The following LPIN2 variants were observed in gnomAD, a reference collection of about 807,000 sequenced individuals.
LPIN2 encodes phosphatidate phosphatase LPIN2.
A neutral mutation model predicts 111.4 loss-of-function variants in LPIN2; 55 were observed. The ratio of observed to expected loss-of-function variants is 0.49; its 90% CI spans 0.40 to 0.62. The LOEUF (loss-of-function observed/expected upper bound fraction) is 0.62, where lower values mean the gene tolerates loss of function less well. Among genes scored for constraint, LPIN2 ranks in the 20% least tolerant of loss-of-function variants. LPIN2 has a pLI of 0.00. For synonymous variants in LPIN2, 425 were observed against 414.0 expected (o/e 1.03, Z -0.32); for missense variants, 992 against 1,112.1 (o/e 0.89, Z 1.54).
At chr18:2,934,186 AAAT>A (rs1172722780) in intron 8 of LPIN2, among the ~76,000 whole-genome samples, 162 bp downstream of exon 8, 2 of 152,226 alleles carry the variant, frequency 1.3e-5, no homozygotes, top group African/African-American at 4.8e-5. Context: ...CACTATATTG[AAAT>A]AAGACACGCG....
At chr18:3,007,393 G>A (rs376023709) in intron 1 of LPIN2, among the ~76,000 whole-genome samples, 270 of 152,246 alleles carry the variant, frequency 1.8e-3, no homozygotes, top group African/African-American at 6.3e-3. Context: ...GGATGGTCTC[G>A]ATCTCCTGAC....
intron 4 of LPIN2, chr18:2,946,365 C>T: frequency 6.7e-7 from 1 of 1,500,578 alleles, no homozygotes. Context: ...TTTGTACAGC[C>T]TACAATGCTT....
At chr18:2,976,323 A>G (rs1414503711) in intron 1 of LPIN2, among the ~76,000 whole-genome samples, 1 of 152,186 alleles carries the variant, frequency 6.6e-6, no homozygotes, top group Non-Finnish European at 1.5e-5. Flanking sequence ...CAACTCCTGT[A>G]GCTAAGGTGG....
chr18:2,943,613 C>T (rs1254515292), intron 4 of LPIN2, among the ~76,000 whole-genome samples: 3 of 152,208 alleles, frequency 2.0e-5, no homozygotes, highest in Non-Finnish European at 4.4e-5. Flanking sequence ...TAATCATTAC[C>T]TTTAATCAAA....
intron 8 of LPIN2, among the ~76,000 whole-genome samples, chr18:2,932,623 T>A (rs1397956464): frequency 6.6e-6 from 1 of 152,218 alleles, no homozygotes; most frequent in Non-Finnish European, 1.5e-5. Flanking sequence ...TCACCACACC[T>A]GTCTCCTCTT....
Position 2,927,704 on chromosome 18 carries a change from G to A in LPIN2, c.1710+18C>T. On this transcript the variant is annotated intron_variant, in intron 12 of 19. Coordinates refer to ENST00000677752, the MANE Select transcript of LPIN2 (RefSeq NM_001375808.2). ...ATTTCTTTCAGCCCACGGAAACAAT[G>A]ACCTCTAGGTCTGTTACCTGTTTGG... 1 of 1,612,006 alleles carries A rather than the reference G, an allele frequency of 6.2e-7. No individual in the cohort carries two copies. The highest frequency in any genetic ancestry group is 8.5e-7 in the Non-Finnish European group (1 of 1,178,078).
At chr18:3,009,497 GAC>G (rs1438238856) in intron 1 of LPIN2, among the ~76,000 whole-genome samples, 1 of 151,784 alleles carries the variant, frequency 6.6e-6, no homozygotes, top group Non-Finnish European at 1.5e-5. Flanking sequence ...GGAGTGCAGT[GAC>G]ACAATCTCGG....
At position 2,919,445 on chromosome 18, in the gene LPIN2, C is replaced by T. The variant is rs2077018079; in HGVS notation, c.*848G>A. The stretch of plus-strand genomic sequence containing the variant: ...AGGCAGCAAGCAGAGGGATTCAGCG[C>T]TCTTCCCAGGACCCCACTCAACCGC... On this transcript the variant is annotated 3_prime_UTR_variant, in exon 20 of 20. Coordinates refer to ENST00000677752, the MANE Select transcript of LPIN2 (RefSeq NM_001375808.2). The T allele has an allele frequency of 6.6e-6, 1 of 152,284 alleles. No individual in the cohort carries two copies. Among genetic ancestry groups the T allele is most frequent in the African/African-American group, 2.4e-5 (1 of 41,452 alleles). 9.4% of individuals were successfully genotyped at this position (152,284 alleles called of 1,614,324 possible). A position where few individuals can be genotyped will look rare whatever the true frequency, so the allele number is the denominator to read the frequency against.
rs1056697284 is a variant in LPIN2 at position 2,918,032 on chromosome 18, T to C, written c.*2261A>G. 1 of 152,222 alleles carries C rather than the reference T, an allele frequency of 6.6e-6. No homozygotes were observed. Among genetic ancestry groups the C allele is most frequent in the South Asian group, 2.1e-4 (1 of 4,836 alleles). 9.4% of individuals were successfully genotyped at this position (152,222 alleles called of 1,614,324 possible). The stretch of plus-strand genomic sequence containing the variant: ...TGGATTTTCAGCACAAACTTAATAC[T>C]TTCCTAACACTACAGCAATAGTAAT... On this transcript the variant is annotated 3_prime_UTR_variant, in exon 20 of 20. Transcript: ENST00000677752.
intron 4 of LPIN2, among the ~76,000 whole-genome samples, chr18:2,943,478 C>A (rs2077397624): frequency 6.6e-6 from 1 of 151,372 alleles, no homozygotes; most frequent in Non-Finnish European, 1.5e-5. Context: ...ATGTTTTGAT[C>A]AATGTAACTA....
At chr18:2,956,284 C>T (rs112691313) in intron 2 of LPIN2, among the ~76,000 whole-genome samples, 1,537 of 131,372 alleles carry the variant, frequency 0.012, 25 homozygotes, top group African/African-American at 0.046. Flanking sequence ...CCCGTGTGCC[C>T]TCATGATTTT....
intron 1 of LPIN2, among the ~76,000 whole-genome samples, chr18:2,995,122 C>T (rs1016531193): frequency 1.3e-5 from 2 of 152,130 alleles, no homozygotes. Context: ...GCCTGGAAAC[C>T]ACCAGCTGCT....
intron 10 of LPIN2, 87 bp downstream of exon 10, chr18:2,928,978 G>A: frequency 1.1e-6 from 1 of 897,416 alleles, no homozygotes; most frequent in Non-Finnish European, 1.9e-6. Flanking sequence ...TTTATAAGAA[G>A]GAACACTTTT....
rs568227218 is a variant in LPIN2, at chr18:2,970,808, G to C, written c.-9-9959C>G. Among the ~76,000 whole-genome samples the C allele has an allele frequency of 4.6e-5, 7 of 152,316 alleles. No homozygotes were observed. The South Asian group carries it at 1.5e-3, about 32-fold the overall frequency. ...GGCCTTAAGCTTAGTTCTCAGGGCT[G>C]ATAAGTTTTAAATTAGGATTTTTGG... On this transcript the variant is annotated intron_variant, in intron 1 of 19. Transcript: ENST00000677752.
chr18:2,970,287 T>A (rs1269404243), intron 1 of LPIN2, among the ~76,000 whole-genome samples: 4 of 152,084 alleles, frequency 2.6e-5, no homozygotes, highest in African/African-American at 7.2e-5. Flanking sequence ...AACACAAGGG[T>A]GGGCCCCCAG....
At chr18:2,981,538 T>C (rs1016933862) in intron 1 of LPIN2, among the ~76,000 whole-genome samples, 2 of 152,258 alleles carry the variant, frequency 1.3e-5, no homozygotes, top group Non-Finnish European at 2.9e-5. Context: ...CTACTTAATA[T>C]ATGAATGTTT....
chr18:2,987,860 G>T, intron 1 of LPIN2, among the ~76,000 whole-genome samples: 1 of 151,978 alleles, frequency 6.6e-6, no homozygotes, highest in South Asian at 2.1e-4. Flanking sequence ...CCAACACAGT[G>T]AAACCTCATC....
chr18:2,980,373 AG>A lies in LPIN2; in HGVS notation c.-9-19525del, dbSNP rs779984254. On this transcript the variant is annotated intron_variant, in intron 1 of 19. Coordinates refer to ENST00000677752, the MANE Select transcript of LPIN2 (RefSeq NM_001375808.2). ...AGACTGGAGGAACACAGTTAGTTTT[AG>A]ACTTGTTCACCTCCAGTTGTTCTAG... 4.0e-4 allele frequency among the ~76,000 whole-genome samples: 61 copies of A among 152,196 alleles called. 1 individual carries two copies. Among genetic ancestry groups the A allele is most frequent in the Admixed American group, 7.9e-4 (12 of 15,284 alleles).
rs563010838 is a variant in LPIN2 at position 2,981,753 on chromosome 18, T to C, written c.-9-20904A>G. ...TTAGTTCCTGAGAACTCTGAGTAAGTACACTTTCACTAACAGATCCAAAAG... is the reference window on the plus strand; with the variant it reads ...TTAGTTCCTGAGAACTCTGAGTAAGCACACTTTCACTAACAGATCCAAAAG... On this transcript the variant is annotated intron_variant, in intron 1 of 19. Transcript: ENST00000677752. Among the ~76,000 whole-genome samples, 159 of 150,782 alleles carry C rather than the reference T, an allele frequency of 1.1e-3. 1 individual carries two copies. Among genetic ancestry groups the C allele is most frequent in the African/African-American group, 3.4e-3 (137 of 40,116 alleles).
Sources: gnomAD v4.1 joint callset for allele counts (sites outside exome capture counted in the v4.1 genomes callset) on GRCh38, gnomAD v4.1.1 for gene constraint, MANE v1.5 for transcripts, NCBI Gene and HGNC (gene_info 2026-07-23, HGNC 2026-07-21) for gene names.